Variants in REDIC1 observed in about 807,000 individuals in gnomAD.
The protein encoded by REDIC1 is HEI10 Interacting Protein 1.
the REDIC1 span, among the ~76,000 whole-genome samples, chr12:39,837,802 C>T: frequency 6.6e-6 from 1 of 152,126 alleles, no homozygotes; most frequent in African/African-American, 2.4e-5. Flanking sequence ...TACCATCTCA[C>T]ACCAGTTAGA....
the REDIC1 span, among the ~76,000 whole-genome samples, chr12:39,745,189 A>T: frequency 6.6e-6 from 1 of 152,204 alleles, no homozygotes; most frequent in East Asian, 1.9e-4. Flanking sequence ...CCTCCAAATT[A>T]TACTCTCAGT....
At chr12:39,824,143 T>C in the REDIC1 span, among the ~76,000 whole-genome samples, 1 of 152,216 alleles carries the variant, frequency 6.6e-6, no homozygotes, top group Non-Finnish European at 1.5e-5. Context: ...GAAGCAAATA[T>C]ACATTCAAAC....
chr12:39,895,812 G>GCA, the REDIC1 span, among the ~76,000 whole-genome samples: 286 of 81,326 alleles, frequency 3.5e-3, 82 homozygotes, highest in African/African-American at 0.016. Flanking sequence ...GCGTGTATAC[G>GCA]TACACACATG....
the REDIC1 span, among the ~76,000 whole-genome samples, chr12:39,715,266 A>T: frequency 7.2e-5 from 11 of 151,884 alleles, no homozygotes; most frequent in African/African-American, 2.7e-4. Context: ...GGATCGTTTC[A>T]TTCTCCTGTA....
chr12:39,765,403 C>T, the REDIC1 span, among the ~76,000 whole-genome samples: 1 of 152,072 alleles, frequency 6.6e-6, no homozygotes, highest in South Asian at 2.1e-4. Flanking sequence ...TCCCTGATGA[C>T]CTTGCCTTCT....
chr12:39,684,881 C>T, the REDIC1 span: 29 of 1,611,092 alleles, frequency 1.8e-5, no homozygotes, highest in Middle Eastern at 1.6e-4. Flanking sequence ...AATATACCTT[C>T]GGAAGAATTG....
the REDIC1 span, among the ~76,000 whole-genome samples, chr12:39,902,168 A>C: frequency 4.2e-4 from 57 of 134,936 alleles, no homozygotes; most frequent in Admixed American, 2.7e-3. Context: ...CAGGAATGAG[A>C]ACATCACACT....
the REDIC1 span, chr12:39,864,746 C>T: frequency 2.1e-5 from 34 of 1,611,654 alleles, no homozygotes; most frequent in Admixed American, 4.4e-4. Flanking sequence ...GGAAGAAGAA[C>T]ATAATGGAAT....
chr12:39,693,223 C>G, the REDIC1 span, among the ~76,000 whole-genome samples: 90 of 152,160 alleles, frequency 5.9e-4, no homozygotes, highest in Admixed American at 9.2e-4. Flanking sequence ...TAATTCTGTA[C>G]TGTCTTTTTA....
chr12:39,780,368 T>G, the REDIC1 span, among the ~76,000 whole-genome samples: 1 of 152,138 alleles, frequency 6.6e-6, no homozygotes, highest in African/African-American at 2.4e-5. Context: ...GGAATTTGAA[T>G]GGAAAAAGAG....
chr12:39,843,056 T>TA, the REDIC1 span, among the ~76,000 whole-genome samples: 10 of 151,940 alleles, frequency 6.6e-5, no homozygotes, highest in East Asian at 9.7e-4. Context: ...CGCTGTTTTA[T>TA]AAAAAAAACT....
At chr12:39,823,823 G>A in the REDIC1 span, among the ~76,000 whole-genome samples, 2 of 152,132 alleles carry the variant, frequency 1.3e-5, no homozygotes, top group Admixed American at 6.5e-5. Context: ...ATATACTGAA[G>A]CACATGGTTA....
At chr12:39,835,448 T>C in the REDIC1 span, among the ~76,000 whole-genome samples, 3 of 152,118 alleles carry the variant, frequency 2.0e-5, no homozygotes, top group Non-Finnish European at 2.9e-5. Context: ...AAACTTTACA[T>C]TTATAAGAGA....
At chr12:39,650,374 G>A in the REDIC1 span, 1 of 1,598,554 alleles carries the variant, frequency 6.3e-7, no homozygotes, top group Non-Finnish European at 8.5e-7. The surrounding 1 kb of genome is among the most constrained non-coding windows in gnomAD (Gnocchi z 4.3). Flanking sequence ...GATGCTGAAG[G>A]AAATAAAGAA....
chr12:39,717,938 A>G, the REDIC1 span, among the ~76,000 whole-genome samples: 11 of 149,906 alleles, frequency 7.3e-5, no homozygotes, highest in African/African-American at 2.4e-4. Context: ...TAATTTTTCT[A>G]ACCTCCATAT....
the REDIC1 span, among the ~76,000 whole-genome samples, chr12:39,739,866 G>A: frequency 1.3e-5 from 2 of 152,340 alleles, no homozygotes; most frequent in African/African-American, 4.8e-5. Flanking sequence ...CAGATGTGAT[G>A]TTGTGCCAAT....
chr12:39,676,031 CA>C, the REDIC1 span, among the ~76,000 whole-genome samples: 275 of 152,130 alleles, frequency 1.8e-3, 1 homozygote, highest in African/African-American at 6.3e-3. Context: ...GGTACTATGA[CA>C]AAACAAGTTT....
chr12:39,896,542 A>G, the REDIC1 span, among the ~76,000 whole-genome samples: 62 of 142,688 alleles, frequency 4.3e-4, 1 homozygote, highest in East Asian at 2.1e-3. Context: ...GTATGTATGT[A>G]TGTGTGTATA....
At chr12:39,719,401 C>T in the REDIC1 span, among the ~76,000 whole-genome samples, 3 of 151,952 alleles carry the variant, frequency 2.0e-5, no homozygotes, top group African/African-American at 7.2e-5. Flanking sequence ...CTGAGGTGGG[C>T]AATTGCTTGA....
Sources: gnomAD v4.1 joint callset for allele counts (sites outside exome capture counted in the v4.1 genomes callset) on GRCh38, gnomAD v4.1.1 for gene constraint, Gnocchi (gnomAD v3.1) non-coding constraint, MANE v1.5 for transcripts, NCBI Gene and HGNC (gene_info 2026-07-23, HGNC 2026-07-21) for gene names.